Variants in HSPG2 observed in about 807,000 individuals in gnomAD.
HSPG2 encodes the protein heparan sulfate proteoglycan 2.
Under a neutral mutation model 526.6 loss-of-function variants are expected in HSPG2, and 278 were observed. The observed-to-expected ratio is 0.53, with a 90% CI of 0.48 to 0.58. HSPG2 has a LOEUF of 0.58. HSPG2 is among the 20% of genes least tolerant of loss of function. The probability of loss-of-function intolerance (pLI) is 0.00; values close to 1 mark genes in which losing one functional copy is unlikely to be tolerated. For missense variants in HSPG2, 5,354 were observed against 6,099.5 expected (o/e 0.88, Z 4.07); for synonymous variants, 2,465 against 2,555.4 (o/e 0.96, Z 1.07).
chr1:21,926,584 C>T (rs568787599), intron 1 of HSPG2, among the ~76,000 whole-genome samples: 1 of 151,978 alleles, frequency 6.6e-6, no homozygotes, highest in African/African-American at 2.4e-5. Flanking sequence ...GAAAGCCTGT[C>T]TCTACTAAAA....
rs770235946 is a variant in HSPG2 at position 21,888,680 on chromosome 1, C to T, written c.575-614G>A. The T allele has an allele frequency of 3.2e-5, 43 of 1,364,698 alleles. No homozygotes were observed. The East Asian group carries it at 5.5e-4, about 17-fold the overall frequency. 84.5% of individuals were successfully genotyped at this position (1,364,698 alleles called of 1,614,324 possible). A position where few individuals can be genotyped will look rare whatever the true frequency, so the allele number is the denominator to read the frequency against. ...CTTACACTCTCACCTGGTGTCACTG[C>T]GACCGCCACAGCGGCCGGCGGGGGT... On this transcript the variant is annotated intron_variant, in intron 6 of 96. Transcript: ENST00000374695.
Position 21,828,990 on chromosome 1 carries a change from G to T in HSPG2, c.12082C>A (p.Arg4028=). 1.9e-6 allele frequency: 3 copies of T among 1,571,092 alleles called. No homozygotes were observed. Among genetic ancestry groups the T allele is most frequent in the Non-Finnish European group, 2.6e-6 (3 of 1,158,656 alleles). Reference sequence around the variant, plus strand: ...AGCACAGGGCGTCCACCATTCACCCGCAGGCTGCCGTCCTTGTTGAGACGC... The same window carrying T: ...AGCACAGGGCGTCCACCATTCACCCTCAGGCTGCCGTCCTTGTTGAGACGC... The part of the protein sequence containing the change: ...AERLNKDGSL[R]VNGGRPVLRS... The change falls in exon 88 of 97, where the codon CGG becomes AGG. Residue 4028 remains arginine (R), a synonymous_variant. Coordinates refer to ENST00000374695, the MANE Select transcript of HSPG2 (RefSeq NM_005529.7). This position sits in a 1 kb window ranked among gnomAD's most constrained non-coding sequence, Gnocchi z 6.0.
chr1:21,848,505 C>G lies in HSPG2; in HGVS notation c.7737+138G>C. 9.7e-7 allele frequency: 1 copy of G among 1,027,540 alleles called. No individual in the cohort carries two copies. Among genetic ancestry groups the G allele is most frequent in the Non-Finnish European group, 1.5e-6 (1 of 661,312 alleles). The allele number at this position is 1,027,540 out of a possible 1,614,324, so 63.7% of individuals were successfully genotyped here. On this transcript the variant is annotated intron_variant, in intron 59 of 96. Transcript: ENST00000374695. The surrounding 1 kb of genome is among the most constrained non-coding windows in gnomAD (Gnocchi z 4.9). The stretch of plus-strand genomic sequence containing the variant: ...TTATTTCTGTATTCTCAGCACTGGT[C>G]TAGGACCCATCCAGCAAGGATACTC...
chr1:21,887,907 A>C lies in HSPG2; in HGVS notation c.703+31T>G. 6.2e-7 allele frequency: 1 copy of C among 1,613,742 alleles called. No individual in the cohort carries two copies. The highest frequency in any genetic ancestry group is 8.5e-7 in the Non-Finnish European group (1 of 1,179,992). On this transcript the variant is annotated intron_variant, in intron 7 of 96. Transcript: ENST00000374695. This position sits in a 1 kb window ranked among gnomAD's most constrained non-coding sequence, Gnocchi z 5.0. Reference sequence around the variant, plus strand: ...GGACCCTGGCCCTCCCCTGGCACCCAAACCACTCGTGGCCCCGGACATCCC... The same window carrying C: ...GGACCCTGGCCCTCCCCTGGCACCCCAACCACTCGTGGCCCCGGACATCCC...
In HSPG2 at chr1:21,824,397, C is replaced by T; in HGVS notation, c.12745-21G>A. 2 of 1,613,480 alleles carry T rather than the reference C, an allele frequency of 1.2e-6. No homozygotes were observed. The highest frequency in any genetic ancestry group is 1.7e-6 in the Non-Finnish European group (2 of 1,179,788). ...ACCTCCTGCCAGGGAAGCACAGGGT[C>T]TCTGGGGTCCCCAGCCTGGAGAGCA... On this transcript the variant is annotated intron_variant, in intron 93 of 96. Coordinates refer to ENST00000374695, the MANE Select transcript of HSPG2 (RefSeq NM_005529.7). This position sits in a 1 kb window ranked among gnomAD's most constrained non-coding sequence, Gnocchi z 5.9.
rs753264896 is a variant in HSPG2 at position 21,850,513 on chromosome 1, G to T, written c.7159-15C>A. ...GAGCCGTGGGTCTGGCCAGAATGGG[G>T]GTGAGTCAGAGGGAGCCCTCAGGAG... On this transcript the variant is annotated splice_polypyrimidine_tract_variant and intron_variant, in intron 55 of 96. Transcript: ENST00000374695. 2 of 1,600,004 alleles carry T rather than the reference G, an allele frequency of 1.3e-6. No homozygotes were observed. The highest frequency in any genetic ancestry group is 2.2e-5 in the South Asian group (2 of 89,528).
Position 21,885,427 on chromosome 1 carries a change from C to T in HSPG2, c.1103G>A (p.Cys368Tyr), listed in dbSNP as rs1373799349. Residue 368 changes from cysteine (C) to tyrosine (Y), a missense_variant, in exon 10 of 97, where the codon TGC becomes TAC. Cys to Tyr is a radical substitution (Grantham distance 194). Transcript: ENST00000374695. ...NCPTKRPEEV[C>Y]GPTQFRCVST... The stretch of plus-strand genomic sequence containing the variant: ...GACGCATCGGAACTGTGTGGGCCCG[C>T]ACACTTCCTCAGGACGCTTGGTGGC... The T allele has an allele frequency of 6.2e-7, 1 of 1,614,086 alleles. No homozygotes were observed. Among genetic ancestry groups the T allele is most frequent in the Admixed American group, 1.7e-5 (1 of 60,016 alleles).
intron 37 of HSPG2, 31 bp from the exon 38 acceptor site, chr1:21,862,146 C>A: frequency 6.2e-7 from 1 of 1,608,936 alleles, no homozygotes; most frequent in South Asian, 1.1e-5. Flanking sequence ...AGGCACCAGC[C>A]ATTAGGCCAA....
rs568802304 is a variant in HSPG2 at position 21,885,236 on chromosome 1, G to A, written c.1211-79C>T. 1.9e-6 allele frequency: 3 copies of A among 1,607,098 alleles called. No individual in the cohort carries two copies. In the African/African-American group the frequency reaches 4.0e-5, roughly 21 times the overall value. ...AAGGAGGGCTCCGAGGGGCTAGGAG[G>A]GAGAAGGGTGGAGGCTGAGGCTGTG... is the stretch of plus-strand genomic sequence containing the variant. On this transcript the variant is annotated intron_variant, in intron 10 of 96. Coordinates refer to ENST00000374695, the MANE Select transcript of HSPG2 (RefSeq NM_005529.7).
rs1441182199 is a variant in HSPG2 at position 21,859,936 on chromosome 1, T to C, written c.5081A>G (p.His1694Arg). ...CCCACTGACCTGACACCGCAGGGAG[T>C]GGGAGCCACCTTGGGGCACTATGCT... ...ARSIVPQGGS[H>R]SLRCQVSGSP... Residue 1694 changes from histidine to arginine, a missense_variant, in exon 41 of 97, where the codon CAC becomes CGC. By Grantham distance (29) the His-to-Arg change is conservative. Transcript: ENST00000374695. This position sits in a 1 kb window ranked among gnomAD's most constrained non-coding sequence, Gnocchi z 5.3. 1.2e-6 allele frequency: 2 copies of C among 1,610,164 alleles called. No homozygotes were observed. The highest frequency in any genetic ancestry group is 1.7e-4 in the Middle Eastern group (1 of 6,054).
rs1287258357 is a variant in HSPG2 at position 21,848,643 on chromosome 1, C to T, written c.7737G>A (p.Gln2579=). The T allele has an allele frequency of 1.9e-6, 3 of 1,613,348 alleles. No individual in the cohort carries two copies. In the Admixed American group the frequency reaches 5.0e-5, roughly 27 times the overall value. Residue 2579 remains glutamine (Q), a splice_region_variant and synonymous_variant, in exon 59 of 97, where the codon CAG becomes CAA. Transcript: ENST00000374695. This position sits in a 1 kb window ranked among gnomAD's most constrained non-coding sequence, Gnocchi z 4.9. The part of the protein sequence containing the change: ...KRGGSLPSRH[Q]IVGSRLRIPQ... ...CCCTCCCCACCTGCTGGCCCTGTAC[C>T]TGGTGCCGGCTGGGTAAGCTGCCTC...
At chr1:21,835,193 G>A (rs1027463848) in intron 76 of HSPG2, 18 of 616,848 alleles carry the variant, frequency 2.9e-5, no homozygotes, top group African/African-American at 2.0e-4. Flanking sequence ...GTGTGATCAC[G>A]GCTCACCACA....
At position 21,851,856 on chromosome 1, in the gene HSPG2, C is replaced by T; in HGVS notation, c.6941G>A (p.Ser2314Asn). 1 of 1,613,364 alleles carries T rather than the reference C, an allele frequency of 6.2e-7. No homozygotes were observed. Reference sequence around the variant, plus strand: ...CGTGATGGAGGCCTCCATGCCGTTGCTGGCCCGGCAGACGTACTGTCCCGC... The same window carrying T: ...CGTGATGGAGGCCTCCATGCCGTTGTTGGCCCGGCAGACGTACTGTCCCGC... ...ADAGQYVCRA[S>N]NGMEASITVT... The change falls in exon 54 of 97, where the codon AGC (serine) becomes AAC (asparagine). Residue 2314 changes from serine (S) to asparagine (N), a missense_variant. Transcript: ENST00000374695.
At position 21,829,426 on chromosome 1, in the gene HSPG2, C is replaced by T. The variant is rs971916869; in HGVS notation, c.11949G>A (p.Ala3983=). 2.4e-5 allele frequency: 39 copies of T among 1,613,302 alleles called. No individual in the cohort carries two copies. The highest frequency in any genetic ancestry group is 6.7e-5 in the East Asian group (3 of 44,888). Reference sequence around the variant, plus strand: ...GGAACTCCAGGTGGCCGCCCACCATCGCCAGGGACACGAAGTCCTCCACAG... The same window carrying T: ...GGAACTCCAGGTGGCCGCCCACCATTGCCAGGGACACGAAGTCCTCCACAG... ...SGPVEDFVSL[A]MVGGHLEFRY... Residue 3983 remains alanine (A), a synonymous_variant, in exon 87 of 97, where the codon GCG becomes GCA. Transcript: ENST00000374695.
rs376179947 is a variant in HSPG2, at chr1:21,824,076, C to T, written c.12899+45G>A. On this transcript the variant is annotated intron_variant, in intron 95 of 96. Coordinates refer to ENST00000374695, the MANE Select transcript of HSPG2 (RefSeq NM_005529.7). This position sits in a 1 kb window ranked among gnomAD's most constrained non-coding sequence, Gnocchi z 5.9. ...ATGGTAGGGGGCGTCCTGCCCCACTCCAGAACGCTGGGCCCCATCCCGAGT... is the reference window on the plus strand; with the variant it reads ...ATGGTAGGGGGCGTCCTGCCCCACTTCAGAACGCTGGGCCCCATCCCGAGT... 3 of 1,554,112 alleles carry T rather than the reference C, an allele frequency of 1.9e-6. No individual in the cohort carries two copies. The highest frequency in any genetic ancestry group is 2.6e-6 in the Non-Finnish European group (3 of 1,133,766).
intron 29 of HSPG2, 73 bp downstream of exon 29, chr1:21,873,852 G>A (rs904026199): frequency 6.7e-5 from 88 of 1,319,754 alleles, no homozygotes; most frequent in African/African-American, 2.9e-4. Flanking sequence ...GGTTGGGAGC[G>A]CTGGGCCCTG....
chr1:21,850,193 C>T lies in HSPG2; in HGVS notation c.7295-1G>A. On this transcript the variant is annotated splice_acceptor_variant, in intron 56 of 96. Transcript: ENST00000374695. LOFTEE classifies it high-confidence loss of function. ...CGGACCGTGGGGGTGACCCCAAGTGCTGGGGACAGAGGGCAAAGGGTCAAT... is the reference window on the plus strand; with the variant it reads ...CGGACCGTGGGGGTGACCCCAAGTGTTGGGGACAGAGGGCAAAGGGTCAAT... 6.2e-7 allele frequency: 1 copy of T among 1,613,332 alleles called. No individual in the cohort carries two copies. The highest frequency in any genetic ancestry group is 2.2e-5 in the East Asian group (1 of 44,886).
rs1317082117 is a variant in HSPG2 at position 21,823,630 on chromosome 1, C to T, written c.12989G>A (p.Gly4330Asp). The T allele has an allele frequency of 9.3e-6, 15 of 1,613,618 alleles. No homozygotes were observed. Among genetic ancestry groups the T allele is most frequent in the Non-Finnish European group, 1.3e-5 (15 of 1,179,888 alleles). Reference protein sequence around the residue: ...PGPNVAVNAKGSVYIGGAPDV... With the variant: ...PGPNVAVNAKDSVYIGGAPDV... ...CCCAGACTTACCGATGTAGACGCTG[C>T]CCTTGGCGTTGACTGCCACGTTGGG... is the stretch of plus-strand genomic sequence containing the variant. Residue 4330 changes from glycine (G) to aspartate (D), a missense_variant, in exon 96 of 97, where the codon GGC (glycine) becomes GAC (aspartate). Coordinates refer to ENST00000374695, the MANE Select transcript of HSPG2 (RefSeq NM_005529.7).
chr1:21,904,297 A>G lies in HSPG2; in HGVS notation c.64-7987T>C, dbSNP rs142367174. ...AGAGATGACTTCACCTAAGCAAAGC[A>G]GAGAAGGGGAAGAGTGCGGACCAGG... On this transcript the variant is annotated intron_variant, in intron 1 of 96. Coordinates refer to ENST00000374695, the MANE Select transcript of HSPG2 (RefSeq NM_005529.7). This position sits in a 1 kb window ranked among gnomAD's most constrained non-coding sequence, Gnocchi z 4.4. 6.6e-6 allele frequency among the ~76,000 whole-genome samples: 1 copy of G among 152,320 alleles called. No homozygotes were observed. The highest frequency in any genetic ancestry group is 1.9e-4 in the East Asian group (1 of 5,178).
Sources: allele counts gnomAD v4.1 joint callset (sites outside exome capture counted in the v4.1 genomes callset), GRCh38; gene constraint gnomAD v4.1.1; non-coding constraint Gnocchi (gnomAD v3.1); transcripts MANE v1.5; gene names NCBI Gene and HGNC (gene_info 2026-07-23, HGNC 2026-07-21).